NKAIN2: variants seen among roughly 807,000 people sequenced by gnomAD.
NKAIN2 encodes sodium/potassium transporting ATPase interacting 2.
A neutral mutation model predicts 32.6 loss-of-function variants in NKAIN2; 14 were observed. That is an observed-to-expected ratio of 0.43 (90% CI 0.28 to 0.67). NKAIN2 has a LOEUF of 0.67. Among genes scored for constraint, NKAIN2 ranks in the 30% least tolerant of loss-of-function variants. The pLI is 0.17. For synonymous variants in NKAIN2, 80 were observed against 87.2 expected, an observed-to-expected ratio of 0.92 and a Z score of 0.46; for missense variants, 198 against 258.3, an observed-to-expected ratio of 0.77 and a Z score of 1.60.
chr6:124,484,656 G>A (rs943956877), intron 3 of NKAIN2, among the ~76,000 whole-genome samples: 8 of 152,130 alleles, frequency 5.3e-5, no homozygotes, highest in Non-Finnish European at 1.5e-5. Context: ...ATATATGTGA[G>A]ATAACTGAAC....
At chr6:124,536,441 G>C (rs1779717685) in intron 3 of NKAIN2, among the ~76,000 whole-genome samples, 2 of 151,586 alleles carry the variant, frequency 1.3e-5, no homozygotes, top group Non-Finnish European at 2.9e-5. Flanking sequence ...CCCTGCATAG[G>C]GATTTTCCAC....
At chr6:124,640,354 TA>T (rs1783937996) in intron 3 of NKAIN2, among the ~76,000 whole-genome samples, 1 of 152,318 alleles carries the variant, frequency 6.6e-6, no homozygotes, top group African/African-American at 2.4e-5. Context: ...AATATGCTTT[TA>T]AAATTAGTAA....
intron 3 of NKAIN2, among the ~76,000 whole-genome samples, chr6:124,421,074 TAAAAA>T (rs35625714): frequency 1.2e-4 from 16 of 133,742 alleles, no homozygotes; most frequent in African/African-American, 2.1e-4. Context: ...CTGTCAAAAT[TAAAAA>T]AAAAAAAAAA....
At chr6:124,626,509 A>G (rs1473734265) in intron 3 of NKAIN2, among the ~76,000 whole-genome samples, 3 of 152,142 alleles carry the variant, frequency 2.0e-5, no homozygotes, top group Non-Finnish European at 2.9e-5. Context: ...ATGTAAATCC[A>G]TCTATTTAGT....
At chr6:124,196,308 A>G (rs1321067973) in intron 1 of NKAIN2, among the ~76,000 whole-genome samples, 1 of 152,114 alleles carries the variant, frequency 6.6e-6, no homozygotes, top group Non-Finnish European at 1.5e-5. Context: ...CAAAGAACAT[A>G]CATTGACTGC....
chr6:124,639,445 C>T (rs1783903555), intron 3 of NKAIN2, among the ~76,000 whole-genome samples: 1 of 152,054 alleles, frequency 6.6e-6, no homozygotes, highest in African/African-American at 2.4e-5. Context: ...ACCAGTCTGA[C>T]CAATATGGTG....
At chr6:124,352,668 A>G (rs1451390026) in intron 2 of NKAIN2, among the ~76,000 whole-genome samples, 1 of 152,216 alleles carries the variant, frequency 6.6e-6, no homozygotes, top group Non-Finnish European at 1.5e-5. Flanking sequence ...TATAAATAAT[A>G]TGGGGAAAAT....
chr6:124,743,307 G>A (rs1213867251), intron 4 of NKAIN2, among the ~76,000 whole-genome samples: 1 of 151,860 alleles, frequency 6.6e-6, no homozygotes, highest in Non-Finnish European at 1.5e-5. Context: ...AACCCTCAAT[G>A]TGTTTTTGAT....
chr6:124,509,929 A>T (rs967438351), intron 3 of NKAIN2, among the ~76,000 whole-genome samples: 1 of 152,188 alleles, frequency 6.6e-6, no homozygotes, highest in African/African-American at 2.4e-5. Context: ...GGAGGTTTGG[A>T]ATTTGAAAAT....
chr6:124,436,719 C>G (rs915917368), intron 3 of NKAIN2, among the ~76,000 whole-genome samples: 1 of 152,244 alleles, frequency 6.6e-6, no homozygotes, highest in Admixed American at 6.5e-5. Context: ...TCCAGGCCAC[C>G]AGGATCTCCT....
At chr6:124,642,247 T>C (rs577267731) in intron 3 of NKAIN2, among the ~76,000 whole-genome samples, 1 of 152,330 alleles carries the variant, frequency 6.6e-6, no homozygotes, top group African/African-American at 2.4e-5. Flanking sequence ...TAATTTTGGT[T>C]ATCTTCTCAA....
chr6:124,393,711 A>G (rs1773240325), intron 3 of NKAIN2, among the ~76,000 whole-genome samples: 1 of 152,174 alleles, frequency 6.6e-6, no homozygotes, highest in Non-Finnish European at 1.5e-5. Context: ...GCAAGCAGCT[A>G]CTGTCAGTTC....
At chr6:124,666,126 T>C (rs1375555090) in intron 4 of NKAIN2, among the ~76,000 whole-genome samples, 2 of 152,184 alleles carry the variant, frequency 1.3e-5, no homozygotes, top group African/African-American at 2.4e-5. Flanking sequence ...AGTTCTCCTG[T>C]GTACCAGAAA....
chr6:124,706,117 A>G (rs1775050034), intron 4 of NKAIN2, among the ~76,000 whole-genome samples: 1 of 152,150 alleles, frequency 6.6e-6, no homozygotes, highest in African/African-American at 2.4e-5. Context: ...TGGTTTTTCC[A>G]TTGGTCTGTT....
intron 1 of NKAIN2, among the ~76,000 whole-genome samples, chr6:124,024,029 T>C (rs1396834870): frequency 2.0e-5 from 3 of 151,766 alleles, no homozygotes; most frequent in Non-Finnish European, 4.4e-5. Context: ...TTTCAAATAA[T>C]AAAAAATAGA....
intron 1 of NKAIN2, among the ~76,000 whole-genome samples, chr6:123,811,665 A>G (rs958519757): frequency 6.6e-6 from 1 of 152,134 alleles, no homozygotes; most frequent in Non-Finnish European, 1.5e-5. Context: ...GGGAGATAAT[A>G]TGCTAAAAGT....
intron 1 of NKAIN2, among the ~76,000 whole-genome samples, chr6:123,812,062 AAG>A (rs769439657): frequency 2.0e-5 from 3 of 150,536 alleles, no homozygotes; most frequent in Non-Finnish European, 4.4e-5. Context: ...CCCCACCCTC[AAG>A]GGTCACAGTG....
At chr6:124,521,015 G>A (rs138500513) in intron 3 of NKAIN2, among the ~76,000 whole-genome samples, 7 of 152,244 alleles carry the variant, frequency 4.6e-5, no homozygotes, top group African/African-American at 1.7e-4. Context: ...ATTATTTCTA[G>A]TAGCTTTTTT....
At chr6:124,702,205 T>A (rs1774826566) in intron 4 of NKAIN2, among the ~76,000 whole-genome samples, 1 of 152,064 alleles carries the variant, frequency 6.6e-6, no homozygotes, top group African/African-American at 2.4e-5. Flanking sequence ...TCCATTAGAA[T>A]CCTTTTTGAA....
Sources: allele counts gnomAD v4.1 joint callset (sites outside exome capture counted in the v4.1 genomes callset), GRCh38; gene constraint gnomAD v4.1.1; transcripts MANE v1.5; gene names NCBI Gene and HGNC (gene_info 2026-07-23, HGNC 2026-07-21).